LIMCH1: variants seen among roughly 807,000 people sequenced by gnomAD.
The protein encoded by LIMCH1 is LIM and calponin homology domains 1, also known as LIM and calponin homology domains-containing protein 1.
In LIMCH1, 113 loss-of-function variants were observed where a neutral mutation model predicts 176.5. That is an observed-to-expected ratio of 0.64 (90% CI 0.55 to 0.75). LIMCH1 has a LOEUF of 0.75. LIMCH1 is among the 30% of genes least tolerant of loss of function. The pLI, the probability that LIMCH1 is intolerant of heterozygous loss-of-function variation, is 0.00. For synonymous variants in LIMCH1, 619 were observed against 645.9 expected (o/e 0.96, Z 0.63); for missense variants, 1,674 against 1,814.9 (o/e 0.92, Z 1.41).
intron 2 of LIMCH1, among the ~76,000 whole-genome samples, chr4:41,600,847 A>G (rs2089789994): frequency 6.6e-6 from 1 of 152,140 alleles, no homozygotes; most frequent in Admixed American, 6.5e-5. Flanking sequence ...TAAAGGGGAA[A>G]ATGTCACGTA....
intron 1 of LIMCH1, among the ~76,000 whole-genome samples, chr4:41,471,026 AC>A (rs983075857): frequency 1.9e-5 from 2 of 107,936 alleles, no homozygotes; most frequent in African/African-American, 9.0e-5. Flanking sequence ...CCAAACTAAG[AC>A]TTTTTTTTTT....
intron 19 of LIMCH1, chr4:41,661,828 GACAC>G (rs1167151567): frequency 1.1e-5 from 4 of 380,730 alleles, no homozygotes; most frequent in African/African-American, 2.1e-5. Context: ...GTAGGATTTT[GACAC>G]ACAGTAACAG....
At chr4:41,393,444 G>A (rs2057470859) in intron 1 of LIMCH1, among the ~76,000 whole-genome samples, 1 of 152,218 alleles carries the variant, frequency 6.6e-6, no homozygotes, top group African/African-American at 2.4e-5. Context: ...GCTTTAGAAT[G>A]TCCTTTGATA....
chr4:41,686,898 G>C (rs536538500), intron 28 of LIMCH1, among the ~76,000 whole-genome samples: 1 of 152,278 alleles, frequency 6.6e-6, no homozygotes. Context: ...ATCAATAGAA[G>C]CTAAAATTGG....
intron 1 of LIMCH1, among the ~76,000 whole-genome samples, chr4:41,476,133 G>T (rs144013220): frequency 1.7e-3 from 253 of 152,178 alleles, no homozygotes; most frequent in African/African-American, 5.7e-3. Flanking sequence ...TCTCACACCT[G>T]GCCCTCACAA....
At chr4:41,556,457 G>A (rs1305244044) in intron 1 of LIMCH1, among the ~76,000 whole-genome samples, 2 of 151,058 alleles carry the variant, frequency 1.3e-5, no homozygotes, top group African/African-American at 4.9e-5. Flanking sequence ...ATGACTGCCA[G>A]TGTCAAGGTC....
At chr4:41,540,600 G>A (rs2078506216) in intron 1 of LIMCH1, among the ~76,000 whole-genome samples, 1 of 152,134 alleles carries the variant, frequency 6.6e-6, no homozygotes, top group Non-Finnish European at 1.5e-5. Context: ...TTAGCCGGGT[G>A]TGGTGATGGG....
rs769138421 is a variant in LIMCH1, at chr4:41,689,596, C to T, written c.4236C>T (p.Ile1412=). The change falls in exon 30 of 32, where the codon ATC becomes ATT. Residue 1412 remains isoleucine (I), a synonymous_variant. Transcript: ENST00000503057. ...LPLGKGAAMI[I]ETLNLYFHIQ... is the part of the protein sequence containing the mutation. ...TGGGTAAAGGAGCTGCAATGATCAT[C>T]GAGACCCTCAATCTCTATTTTCACA... 14 of 1,611,772 alleles carry T rather than the reference C, an allele frequency of 8.7e-6. No individual in the cohort carries two copies. The highest frequency in any genetic ancestry group is 1.3e-5 in the African/African-American group (1 of 74,834).
chr4:41,616,387 G>A (rs1405411749), intron 5 of LIMCH1, among the ~76,000 whole-genome samples: 1 of 151,968 alleles, frequency 6.6e-6, no homozygotes, highest in Non-Finnish European at 1.5e-5. Flanking sequence ...AAATTAGCTG[G>A]GCATGGTGGC....
chr4:41,558,138 C>T (rs565787261), intron 1 of LIMCH1, among the ~76,000 whole-genome samples: 3 of 152,148 alleles, frequency 2.0e-5, no homozygotes, highest in South Asian at 2.1e-4. Flanking sequence ...AAGTAGCAGC[C>T]ACCCATAAAC....
At chr4:41,583,702 C>T (rs973312284) in intron 1 of LIMCH1, among the ~76,000 whole-genome samples, 10 of 152,040 alleles carry the variant, frequency 6.6e-5, no homozygotes, top group Admixed American at 6.6e-5. Flanking sequence ...AAGGCAGCCC[C>T]ATCTTGGGTT....
chr4:41,417,357 A>G (rs1209777829), intron 1 of LIMCH1, among the ~76,000 whole-genome samples: 1 of 152,178 alleles, frequency 6.6e-6, no homozygotes, highest in East Asian at 1.9e-4. Context: ...TCCTCAGTTT[A>G]CAGATGAAGT....
intron 1 of LIMCH1, among the ~76,000 whole-genome samples, chr4:41,451,517 A>G (rs140446010): frequency 1.2e-4 from 18 of 151,720 alleles, no homozygotes; most frequent in Admixed American, 1.1e-3. Context: ...TGCATTTCCA[A>G]CTCTTGAGAG....
At chr4:41,419,630 C>CCTTT in intron 1 of LIMCH1, among the ~76,000 whole-genome samples, 2 of 97,274 alleles carry the variant, frequency 2.1e-5, no homozygotes, top group African/African-American at 1.2e-4. Context: ...TTCCTTCCTT[C>CCTTT]CTTCCTCCTT....
At chr4:41,398,464 AT>A (rs1037482376) in intron 1 of LIMCH1, among the ~76,000 whole-genome samples, 13 of 151,864 alleles carry the variant, frequency 8.6e-5, no homozygotes, top group African/African-American at 3.1e-4. Flanking sequence ...CATATTTGGT[AT>A]TTTTTTTCTC....
Position 41,682,410 on chromosome 4 carries a change from T to C in LIMCH1, c.3795T>C (p.Ser1265=). Residue 1265 remains serine (S), a synonymous_variant, in exon 26 of 32, where the codon AGT becomes AGC. Coordinates refer to ENST00000503057, the MANE Select transcript of LIMCH1 (RefSeq NM_001330672.2). ...RWKKSFQGDD[S]DLLLKTRESD... is the part of the protein sequence containing the mutation. Reference sequence around the variant, plus strand: ...AGAAATCATTCCAGGGAGATGACAGTGACTTATTGCTGAAGACTAGGGAAA... The same window carrying C: ...AGAAATCATTCCAGGGAGATGACAGCGACTTATTGCTGAAGACTAGGGAAA... 1 of 1,613,182 alleles carries C rather than the reference T, an allele frequency of 6.2e-7. No homozygotes were observed. Among genetic ancestry groups the C allele is most frequent in the Non-Finnish European group, 8.5e-7 (1 of 1,179,446 alleles).
At chr4:41,582,359 AC>A (rs1237306618) in intron 1 of LIMCH1, among the ~76,000 whole-genome samples, 2 of 152,102 alleles carry the variant, frequency 1.3e-5, no homozygotes, top group African/African-American at 4.8e-5. Context: ...TTTGGAATAT[AC>A]TCCTGAGAGA....
At chr4:41,387,473 A>G (rs1181348072) in intron 1 of LIMCH1, among the ~76,000 whole-genome samples, 3 of 152,258 alleles carry the variant, frequency 2.0e-5, no homozygotes, top group African/African-American at 7.2e-5. Context: ...TTCTTTATCA[A>G]TGTGTAGATT....
intron 1 of LIMCH1, among the ~76,000 whole-genome samples, chr4:41,401,186 T>C (rs574943551): frequency 6.6e-6 from 1 of 152,334 alleles, no homozygotes; most frequent in East Asian, 1.9e-4. Flanking sequence ...AAGTTTTTAA[T>C]CCACCTTGAA....
Sources: allele counts gnomAD v4.1 joint callset (sites outside exome capture counted in the v4.1 genomes callset), GRCh38; gene constraint gnomAD v4.1.1; transcripts MANE v1.5; gene names NCBI Gene and HGNC (gene_info 2026-07-23, HGNC 2026-07-21).